TSC22D2: variants seen among roughly 807,000 people sequenced by gnomAD.
The protein encoded by TSC22D2 is TSC22 domain family member 2, also known as TSC22 domain family protein 2.
Under a neutral mutation model 50.1 loss-of-function variants are expected in TSC22D2, and 5 were observed. The observed-to-expected ratio is 0.10, with a 90% CI of 0.05 to 0.21. The LOEUF is 0.21. TSC22D2 is among the 10% of genes least tolerant of loss of function. The probability of loss-of-function intolerance (pLI) is 1.00; values close to 1 mark genes in which losing one functional copy is unlikely to be tolerated. For synonymous variants in TSC22D2, 501 were observed against 450.1 expected, an observed-to-expected ratio of 1.11 and a Z score of -1.43; for missense variants, 1,003 against 1,015.5, an observed-to-expected ratio of 0.99 and a Z score of 0.17.
intron 1 of TSC22D2, among the ~76,000 whole-genome samples, chr3:150,456,180 GT>G (rs10603156): frequency 0.14 from 20,334 of 140,602 alleles, 1,460 homozygotes; most frequent in South Asian, 0.34. Flanking sequence ...GTTTCTTTTT[GT>G]TTTTTTTTTT....
intron 1 of TSC22D2, among the ~76,000 whole-genome samples, chr3:150,412,757 A>G (rs941161417): frequency 4.6e-5 from 7 of 152,160 alleles, no homozygotes; most frequent in Non-Finnish European, 1.0e-4. Flanking sequence ...CCACTCAGAA[A>G]AATCCCTCTA....
chr3:150,449,630 C>G (rs968820151), intron 1 of TSC22D2, among the ~76,000 whole-genome samples: 1 of 152,052 alleles, frequency 6.6e-6, no homozygotes, highest in South Asian at 2.1e-4. Context: ...CACCATGATT[C>G]ATTTAACCAG....
At position 150,410,988 on chromosome 3, in the gene TSC22D2, A is replaced by G. The variant is rs1719535024; in HGVS notation, c.1638A>G (p.Pro546=). 1 of 1,614,226 alleles carries G rather than the reference A, an allele frequency of 6.2e-7. No individual in the cohort carries two copies. Among genetic ancestry groups the G allele is most frequent in the Middle Eastern group, 1.6e-4 (1 of 6,062 alleles). ...CGCAACAGCTGAGCAGCCATACGCC[A>G]GTCAGCAGGAGCAGCAGCATAATCC... ...AQSQQLSSHT[P]VSRSSSIIQH... The change falls in exon 1 of 3, where the codon CCA becomes CCG. Residue 546 remains proline, a synonymous_variant. Coordinates refer to ENST00000688009, the MANE Select transcript of TSC22D2 (RefSeq NM_001303264.2).
intron 2 of TSC22D2, among the ~76,000 whole-genome samples, chr3:150,457,478 T>A (rs112347261): frequency 2.3e-3 from 346 of 151,830 alleles, no homozygotes; most frequent in African/African-American, 8.1e-3. Context: ...CAGCTGGAGG[T>A]CTGATTGAAG....
intron 1 of TSC22D2, among the ~76,000 whole-genome samples, chr3:150,432,096 ATCTCT>A (rs1560085522): frequency 6.6e-6 from 1 of 152,120 alleles, no homozygotes; most frequent in Non-Finnish European, 1.5e-5. Context: ...GACCCTAAAC[ATCTCT>A]TCTCTTAGCT....
rs762326542 is a variant in TSC22D2 at position 150,410,380 on chromosome 3, C to T, written c.1030C>T (p.Pro344Ser). The change falls in exon 1 of 3, where the codon CCT (proline) becomes TCT (serine). Residue 344 changes from proline to serine, a missense_variant. Physicochemically the swap from Pro to Ser is moderately conservative, Grantham distance 74. This residue lies in a region of TSC22D2 where 696 missense variants were observed against 647.8 expected (regional missense o/e 1.07). Transcript: ENST00000688009. ...TATGTCCCTGCCTCCGCAGCCGGGC[C>T]CTGCAGTGGGCGCCCCCGCGGCGCA... ...PAMSLPPQPG[P>S]AVGAPAAQQP... 6.2e-7 allele frequency: 1 copy of T among 1,605,264 alleles called. No homozygotes were observed. The highest frequency in any genetic ancestry group is 1.1e-5 in the South Asian group (1 of 89,996).
intron 1 of TSC22D2, among the ~76,000 whole-genome samples, chr3:150,440,097 G>GA (rs1720669343): frequency 6.6e-6 from 1 of 152,150 alleles, no homozygotes; most frequent in Non-Finnish European, 1.5e-5. Context: ...GAAGAAAATT[G>GA]AAAGCTTAGG....
intron 1 of TSC22D2, among the ~76,000 whole-genome samples, chr3:150,441,398 T>G (rs1306754199): frequency 6.6e-6 from 1 of 152,192 alleles, no homozygotes; most frequent in East Asian, 1.9e-4. Flanking sequence ...CTCCTGTTTT[T>G]CCTTCTACCT....
chr3:150,456,014 A>G (rs1048610135), intron 1 of TSC22D2, among the ~76,000 whole-genome samples: 1 of 152,124 alleles, frequency 6.6e-6, no homozygotes, highest in African/African-American at 2.4e-5. Flanking sequence ...TTATCATACA[A>G]TTGCTAAGGT....
At chr3:150,453,172 T>C (rs1264863916) in intron 1 of TSC22D2, among the ~76,000 whole-genome samples, 1 of 152,204 alleles carries the variant, frequency 6.6e-6, no homozygotes, top group Non-Finnish European at 1.5e-5. Context: ...GGAAGCCTTT[T>C]CTTAGGGAGC....
rs537421125 is a variant in TSC22D2 at position 150,441,667 on chromosome 3, T to C, written c.1959-15409T>C. ...TACTTGGGAGGCTGAGGTGGAAGGA[T>C]TGCTTGGGCCTGAGAGGTCAAGGGT... On this transcript the variant is annotated intron_variant, in intron 1 of 2. Transcript: ENST00000688009. 4.1e-4 allele frequency among the ~76,000 whole-genome samples: 63 copies of C among 152,058 alleles called. 1 individual carries two copies. The highest frequency in any genetic ancestry group is 1.7e-3 in the South Asian group (8 of 4,806).
chr3:150,464,587 G>C lies in TSC22D2; in HGVS notation c.*5951G>C, dbSNP rs79499371. The C allele has an allele frequency of 1.3e-5, 2 of 152,034 alleles. No homozygotes were observed. The highest frequency in any genetic ancestry group is 4.8e-5 in the African/African-American group (2 of 41,378). The allele number at this position is 152,034 out of a possible 1,614,324, so 9.4% of individuals were successfully genotyped here. ...GTTAAAGTGCCATATTGTTTATTCAGAGTATATGTTATAGTTTGTGAACCT... is the reference window on the plus strand; with the variant it reads ...GTTAAAGTGCCATATTGTTTATTCACAGTATATGTTATAGTTTGTGAACCT... On this transcript the variant is annotated 3_prime_UTR_variant, in exon 3 of 3. Transcript: ENST00000688009.
chr3:150,416,741 A>G (rs2108063917), intron 1 of TSC22D2, among the ~76,000 whole-genome samples: 1 of 152,230 alleles, frequency 6.6e-6, no homozygotes, highest in East Asian at 1.9e-4. Context: ...TAGGAAGTAT[A>G]CTTTGAGGTA....
intron 1 of TSC22D2, among the ~76,000 whole-genome samples, chr3:150,418,005 A>G (rs190870519): frequency 1.3e-5 from 2 of 152,132 alleles, no homozygotes; most frequent in Admixed American, 1.3e-4. Flanking sequence ...TTCTAGCCTT[A>G]TGTATATGAG....
chr3:150,450,000 G>A (rs1720994875), intron 1 of TSC22D2, among the ~76,000 whole-genome samples: 1 of 151,962 alleles, frequency 6.6e-6, no homozygotes. Context: ...TAGACATGCA[G>A]TTACATAGTC....
At chr3:150,411,679 G>T (rs1719577840) in intron 1 of TSC22D2, among the ~76,000 whole-genome samples, 1 of 152,124 alleles carries the variant, frequency 6.6e-6, no homozygotes. Context: ...ATTTGTCAGT[G>T]TGAGTTTTGA....
intron 1 of TSC22D2, among the ~76,000 whole-genome samples, chr3:150,452,402 G>A (rs954860037): frequency 2.6e-5 from 4 of 151,700 alleles, no homozygotes; most frequent in Admixed American, 6.6e-5. Context: ...CTGAGATCGC[G>A]CCATTTCACC....
chr3:150,423,292 T>A (rs1367035941), intron 1 of TSC22D2: 3 of 437,100 alleles, frequency 6.9e-6, no homozygotes, highest in Non-Finnish European at 1.2e-5. Context: ...CTCTATTTTA[T>A]ATAGAAAATA....
chr3:150,431,715 A>G (rs139444922), intron 1 of TSC22D2, among the ~76,000 whole-genome samples: 7 of 152,300 alleles, frequency 4.6e-5, no homozygotes, highest in African/African-American at 1.7e-4. Context: ...AACGACTACT[A>G]GAGTTGGTGA....
Sources: gnomAD v4.1 joint callset for allele counts (sites outside exome capture counted in the v4.1 genomes callset) on GRCh38, gnomAD v4.1.1 for gene constraint, gnomAD v4.1.1 regional missense constraint, MANE v1.5 for transcripts, NCBI Gene and HGNC (gene_info 2026-07-23, HGNC 2026-07-21) for gene names.